Variants in RGS3 observed in about 807,000 individuals in gnomAD.
RGS3 encodes the protein regulator of G protein signaling 3.
RGS3 carries 80 observed loss-of-function variants against 132.6 expected under a neutral mutation model. The observed-to-expected ratio is 0.60, with a 90% CI of 0.50 to 0.73. RGS3 has a LOEUF of 0.73. Ranked by LOEUF, RGS3 falls within the 30% of genes least tolerant of loss-of-function variation. The pLI is 0.00. For missense variants in RGS3, 1,382 were observed against 1,530.8 expected, an observed-to-expected ratio of 0.90 and a Z score of 1.62; for synonymous variants, 598 against 620.6, an observed-to-expected ratio of 0.96 and a Z score of 0.54.
chr9:113,543,994 C>T (rs533871084), intron 19 of RGS3, among the ~76,000 whole-genome samples: 1 of 152,224 alleles, frequency 6.6e-6, no homozygotes, highest in Non-Finnish European at 1.5e-5. Context: ...CTGATGGCCA[C>T]TGCTGTCCAG....
At chr9:113,576,073 G>A (rs1265346742) in intron 19 of RGS3, among the ~76,000 whole-genome samples, 1 of 151,988 alleles carries the variant, frequency 6.6e-6, no homozygotes, top group Non-Finnish European at 1.5e-5. Flanking sequence ...GGTGGCAGGT[G>A]CCTGTAGTCC....
intron 20 of RGS3, among the ~76,000 whole-genome samples, chr9:113,590,984 G>T (rs2119028436): frequency 6.6e-6 from 1 of 152,318 alleles, no homozygotes; most frequent in East Asian, 1.9e-4. Context: ...TTAGAGAGGG[G>T]CAGGGATTGG....
At chr9:113,504,918 C>A (rs1007680030) in intron 10 of RGS3, 4 of 154,600 alleles carry the variant, frequency 2.6e-5, no homozygotes, top group African/African-American at 9.6e-5. Flanking sequence ...CTTCCTCTGA[C>A]CCTTGGCCTG....
chr9:113,447,323 G>GTGTGTATATATATATATATATATATATA (rs1829126189), intron 1 of RGS3, among the ~76,000 whole-genome samples: 2 of 29,422 alleles, frequency 6.8e-5, no homozygotes, highest in Non-Finnish European at 1.4e-4. Flanking sequence ...TCTGATGTAT[G>GTGTGTATATATATATATATATATATATA]TATATGTATA....
chr9:113,475,172 C>T (rs1240573289), intron 3 of RGS3, among the ~76,000 whole-genome samples: 2 of 152,170 alleles, frequency 1.3e-5, no homozygotes, highest in Admixed American at 6.5e-5. Context: ...GCTCTGGGCC[C>T]TGGTACACAC....
chr9:113,505,202 C>T (rs574409752), intron 10 of RGS3: 5 of 554,070 alleles, frequency 9.0e-6, no homozygotes, highest in Non-Finnish European at 1.6e-5. Flanking sequence ...CCCAGGCCCT[C>T]CCCACATCAG....
chr9:113,449,099 T>C (rs1169649002), intron 1 of RGS3, among the ~76,000 whole-genome samples: 2 of 151,852 alleles, frequency 1.3e-5, no homozygotes. Context: ...AATCAGGGAG[T>C]GATAGCACTA....
chr9:113,566,952 A>G (rs1474156900), intron 19 of RGS3, among the ~76,000 whole-genome samples: 2 of 152,144 alleles, frequency 1.3e-5, no homozygotes, highest in Non-Finnish European at 2.9e-5. Context: ...GCCCTAGCAC[A>G]TGGTGTGGCT....
At chr9:113,582,977 C>T (rs1236119730) in intron 19 of RGS3, 1 of 170,166 alleles carries the variant, frequency 5.9e-6, no homozygotes, top group Admixed American at 5.5e-5. Flanking sequence ...AGGTAGAAGA[C>T]ACCCTGGGCT....
intron 3 of RGS3, among the ~76,000 whole-genome samples, chr9:113,474,912 T>G (rs535797729): frequency 2.0e-5 from 3 of 152,274 alleles, no homozygotes; most frequent in East Asian, 1.9e-4. Context: ...TTCCTTTATT[T>G]TCTGAGTATG....
chr9:113,517,225 TG>T (rs1256792674), intron 15 of RGS3: 4 of 509,150 alleles, frequency 7.9e-6, no homozygotes, highest in East Asian at 5.1e-5. Flanking sequence ...CCCAGTGCAG[TG>T]GGGGGTGAGA....
intron 14 of RGS3, among the ~76,000 whole-genome samples, chr9:113,510,444 C>G (rs1205472538): frequency 6.6e-6 from 1 of 152,196 alleles, no homozygotes; most frequent in Non-Finnish European, 1.5e-5. Flanking sequence ...TGGCGGATGG[C>G]AGATACTCAG....
chr9:113,502,703 G>A (rs1290846671), intron 10 of RGS3, among the ~76,000 whole-genome samples: 2 of 152,242 alleles, frequency 1.3e-5, no homozygotes, highest in African/African-American at 2.4e-5. Flanking sequence ...GGCTGTCAGA[G>A]TGGGGCCAGG....
At chr9:113,522,699 A>C (rs989763617) in intron 16 of RGS3, 2 of 535,822 alleles carry the variant, frequency 3.7e-6, no homozygotes, top group Middle Eastern at 4.8e-4. Context: ...CTTTTTTCCT[A>C]CTTTGAGGAG....
chr9:113,524,089 C>T (rs566244350), intron 17 of RGS3, among the ~76,000 whole-genome samples: 5 of 152,268 alleles, frequency 3.3e-5, no homozygotes, highest in East Asian at 1.9e-4. Context: ...GGGAAGAAGC[C>T]GCCTGAGCAA....
At chr9:113,522,977 C>G (rs762601909) in exon 17 of RGS3, 2 of 1,614,120 alleles carry the variant, frequency 1.2e-6, no homozygotes, top group Non-Finnish European at 1.7e-6. Flanking sequence ...CCAAGGAGGA[C>G]GAGCCTGGCC....
intron 18 of RGS3, among the ~76,000 whole-genome samples, chr9:113,529,604 C>T (rs1007713181): frequency 6.6e-6 from 1 of 152,242 alleles, no homozygotes; most frequent in African/African-American, 2.4e-5. Context: ...AATAGCCCTT[C>T]CTCTAGAGAT....
chr9:113,450,616 T>C (rs1240535347), intron 1 of RGS3, among the ~76,000 whole-genome samples: 1 of 151,734 alleles, frequency 6.6e-6, no homozygotes, highest in African/African-American at 2.4e-5. Context: ...GAGAGAGATC[T>C]AGGAGTCGTT....
chr9:113,564,937 T>C, intron 19 of RGS3: 1 of 995,630 alleles, frequency 1.0e-6, no homozygotes, highest in Non-Finnish European at 1.2e-6. Context: ...CCTCGGTGCC[T>C]CGGTGATTGG....
Sources: gnomAD v4.1 joint callset for allele counts (sites outside exome capture counted in the v4.1 genomes callset) on GRCh38, gnomAD v4.1.1 for gene constraint, MANE v1.5 for transcripts, NCBI Gene and HGNC (gene_info 2026-07-23, HGNC 2026-07-21) for gene names.